CRYBG3: variants seen among roughly 807,000 people sequenced by gnomAD.
CRYBG3 encodes the protein crystallin beta-gamma domain containing 3.
In CRYBG3, 127 loss-of-function variants were observed where a neutral mutation model predicts 244.2. The observed-to-expected ratio is 0.52, with a 90% confidence interval of 0.45 to 0.60. The LOEUF is 0.60. Ranked by LOEUF, CRYBG3 falls within the 20% of genes least tolerant of loss-of-function variation. The pLI is 0.00. For missense variants in CRYBG3, 3,325 were observed against 3,442.5 expected (o/e 0.97, Z 0.85); for synonymous variants, 1,132 against 1,195.8 (o/e 0.95, Z 1.10).
At chr3:97,918,285 T>C (rs181220363) in intron 17 of CRYBG3, among the ~76,000 whole-genome samples, 16 of 152,310 alleles carry the variant, frequency 1.1e-4, no homozygotes, top group Admixed American at 5.2e-4. Flanking sequence ...GACAGTGTGC[T>C]CCAGGCTAAC....
chr3:97,850,169 ATC>A (rs1353005255), intron 2 of CRYBG3, among the ~76,000 whole-genome samples: 1 of 152,148 alleles, frequency 6.6e-6, no homozygotes, highest in Non-Finnish European at 1.5e-5. Context: ...CTGGGAATGA[ATC>A]TAGTGTTTTA....
chr3:97,942,333 C>CTAAAG lies in CRYBG3; in HGVS notation c.8717_8721dup (p.Ala2908LysfsTer2). 1 of 1,611,618 alleles carries CTAAAG rather than the reference C, an allele frequency of 6.2e-7. No individual in the cohort carries two copies. ...ATTGGTGGCCGGGACACACCTGGAG[C>CTAAAG]TAAAGTAGCTCTATGGACTGAACAT... On this transcript the variant is annotated frameshift_variant, in exon 21 of 22. Transcript: ENST00000389622. LOFTEE classifies it high-confidence loss of function.
chr3:97,911,204 C>T (rs932151390), intron 15 of CRYBG3, among the ~76,000 whole-genome samples: 2 of 152,172 alleles, frequency 1.3e-5, no homozygotes, highest in Admixed American at 6.5e-5. Context: ...ACATTAGCTG[C>T]TCAGAAAAGC....
chr3:97,845,813 A>G (rs1288601536), intron 2 of CRYBG3, among the ~76,000 whole-genome samples: 1 of 152,188 alleles, frequency 6.6e-6, no homozygotes, highest in Non-Finnish European at 1.5e-5. Flanking sequence ...CTCTTTAAAT[A>G]TATAAAATTA....
At chr3:97,848,917 C>T (rs987361320) in intron 2 of CRYBG3, among the ~76,000 whole-genome samples, 1 of 152,176 alleles carries the variant, frequency 6.6e-6, no homozygotes, top group African/African-American at 2.4e-5. Flanking sequence ...AATGATTTGC[C>T]TGGAGCTTCA....
chr3:97,910,507 T>C (rs2039857093), intron 15 of CRYBG3, among the ~76,000 whole-genome samples: 1 of 152,196 alleles, frequency 6.6e-6, no homozygotes, highest in Non-Finnish European at 1.5e-5. Flanking sequence ...AGTGAACCGA[T>C]TTTCCAGGTG....
chr3:97,835,341 A>G (rs139968689), intron 1 of CRYBG3, among the ~76,000 whole-genome samples: 2 of 152,164 alleles, frequency 1.3e-5, no homozygotes, highest in Non-Finnish European at 2.9e-5. Flanking sequence ...TGGTGAGTCT[A>G]GGTAGGGTGG....
chr3:97,940,866 A>C (rs2040220453), intron 19 of CRYBG3, among the ~76,000 whole-genome samples: 2 of 151,248 alleles, frequency 1.3e-5, no homozygotes, highest in Admixed American at 6.6e-5. Context: ...TTACCACCCC[A>C]CTCCTCACCA....
intron 17 of CRYBG3, 26 bp downstream of exon 17, chr3:97,915,762 T>C (rs1559742958): frequency 6.4e-7 from 1 of 1,557,158 alleles, no homozygotes. Flanking sequence ...AATGCATACT[T>C]ATAAGATTCT....
intron 19 of CRYBG3, among the ~76,000 whole-genome samples, chr3:97,938,809 T>C (rs893809382): frequency 6.6e-6 from 1 of 151,968 alleles, no homozygotes; most frequent in Non-Finnish European, 1.5e-5. Flanking sequence ...ATTATTATTA[T>C]TATTCACAAT....
Position 97,865,377 on chromosome 3 carries a change from G to C in CRYBG3, c.647+730G>C, listed in dbSNP as rs191521914. 5.9e-5 allele frequency among the ~76,000 whole-genome samples: 9 copies of C among 152,302 alleles called. 1 individual carries two copies. Among genetic ancestry groups the C allele is most frequent in the African/African-American group, 2.2e-4 (9 of 41,576 alleles). ...AAGAAGCCATCAAAAATATTATAGT[G>C]AGATATAAGCACTACCTTATAATTA... is the stretch of plus-strand genomic sequence containing the variant. On this transcript the variant is annotated intron_variant, in intron 3 of 21. Coordinates refer to ENST00000389622, the MANE Select transcript of CRYBG3 (RefSeq NM_153605.4).
intron 3 of CRYBG3, among the ~76,000 whole-genome samples, chr3:97,870,025 C>T (rs982168419): frequency 5.9e-5 from 9 of 151,906 alleles, no homozygotes; most frequent in Non-Finnish European, 1.0e-4. Context: ...AACTGAATTT[C>T]GAAATTATTC....
chr3:97,847,480 C>T lies in CRYBG3; in HGVS notation c.216+4219C>T, dbSNP rs144210357. On this transcript the variant is annotated intron_variant, in intron 2 of 21. Coordinates refer to ENST00000389622, the MANE Select transcript of CRYBG3 (RefSeq NM_153605.4). ...GAACAGAGGCAAGAGAATTCAGAGG[C>T]AGTTATGTACCATGATTCTTCCTAT... 5.5e-3 allele frequency among the ~76,000 whole-genome samples: 843 copies of T among 152,300 alleles called. 7 individuals carry two copies. The highest frequency in any genetic ancestry group is 0.019 in the African/African-American group (797 of 41,564).
intron 2 of CRYBG3, among the ~76,000 whole-genome samples, chr3:97,856,821 G>A (rs1170364666): frequency 3.3e-5 from 5 of 151,852 alleles, no homozygotes; most frequent in Non-Finnish European, 7.4e-5. Context: ...CTGACTAATG[G>A]TTTATTAATT....
intron 1 of CRYBG3, among the ~76,000 whole-genome samples, chr3:97,841,319 CGCATATATATATGTATATAT>C (rs1248931139): frequency 2.0e-5 from 3 of 149,278 alleles, no homozygotes; most frequent in East Asian, 2.0e-4. Flanking sequence ...TGTGTATATA[CGCATATATATATGTATATAT>C]GCATATATAT....
chr3:97,881,963 C>T (rs1245401120), intron 7 of CRYBG3, among the ~76,000 whole-genome samples: 1 of 151,806 alleles, frequency 6.6e-6, no homozygotes, highest in Non-Finnish European at 1.5e-5. Context: ...AATCCCAGCA[C>T]TTTGGGAGGC....
At chr3:97,935,467 T>G (rs2040153391) in intron 18 of CRYBG3, among the ~76,000 whole-genome samples, 1 of 151,864 alleles carries the variant, frequency 6.6e-6, no homozygotes, top group Admixed American at 6.6e-5. Context: ...CTGATCTTGG[T>G]TGTGGGGAGC....
In CRYBG3 at chr3:97,877,725, TCCTTCCATCACATTTTACCCTGATGAC is replaced by T. The variant is rs2039397903; in HGVS notation, c.6533_6559del (p.Pro2178_Asp2186del). Reference sequence around the variant, plus strand: ...AGCGTGTTACCTTCCAGTTGCCAGATCCTTCCATCACATTTTACCCTGATGACCAGGAGAGCGTTGGAATTTCTAAGA... The same window carrying T: ...AGCGTGTTACCTTCCAGTTGCCAGATCAGGAGAGCGTTGGAATTTCTAAGA... On this transcript the variant is annotated inframe_deletion, in exon 4 of 22. Coordinates refer to ENST00000389622, the MANE Select transcript of CRYBG3 (RefSeq NM_153605.4). 6.2e-7 allele frequency: 1 copy of T among 1,613,944 alleles called. No individual in the cohort carries two copies. The highest frequency in any genetic ancestry group is 1.3e-5 in the African/African-American group (1 of 74,896).
rs2039442109 is a variant in CRYBG3 at position 97,881,154 on chromosome 3, ATTC to A, written c.7091_7093del (p.Leu2364del). On this transcript the variant is annotated inframe_deletion, in exon 7 of 22. Coordinates refer to ENST00000389622, the MANE Select transcript of CRYBG3 (RefSeq NM_153605.4). ...GGAAAAGGTGTTAAATCGTGACTGG[ATTC>A]TTCAGAACAGAAGGCATCCACAAAG... The A allele has an allele frequency of 8.7e-6, 14 of 1,612,508 alleles. No homozygotes were observed. Among genetic ancestry groups the A allele is most frequent in the African/African-American group, 1.3e-5 (1 of 74,872 alleles).
Sources: gnomAD v4.1 joint callset for allele counts (sites outside exome capture counted in the v4.1 genomes callset) on GRCh38, gnomAD v4.1.1 for gene constraint, MANE v1.5 for transcripts, NCBI Gene and HGNC (gene_info 2026-07-23, HGNC 2026-07-21) for gene names.